The following EPS8 variants were observed in gnomAD, a reference collection of about 807,000 sequenced individuals.
EPS8 encodes the protein epidermal growth factor receptor kinase substrate 8.
EPS8 carries 42 observed loss-of-function variants against 103.8 expected under a neutral mutation model. The observed-to-expected ratio is 0.40, with a 90% CI of 0.32 to 0.52. The LOEUF is 0.52. Ranked by LOEUF, EPS8 falls within the 20% of genes least tolerant of loss-of-function variation. The pLI, the probability that EPS8 is intolerant of heterozygous loss-of-function variation, is 0.40. For synonymous variants in EPS8, 344 were observed against 344.6 expected, an observed-to-expected ratio of 1.00 and a Z score of 0.02; for missense variants, 969 against 1,005.1, an observed-to-expected ratio of 0.96 and a Z score of 0.49.
intron 1 of EPS8, among the ~76,000 whole-genome samples, chr12:15,737,724 AACTT>A (rs1946780116): frequency 6.6e-6 from 1 of 152,198 alleles, no homozygotes; most frequent in Non-Finnish European, 1.5e-5. Flanking sequence ...AAATATTAAA[AACTT>A]AATGATGCTA....
At chr12:15,664,283 AT>A (rs151115559) in intron 8 of EPS8, among the ~76,000 whole-genome samples, 4,541 of 151,404 alleles carry the variant, frequency 0.03, 178 homozygotes, top group African/African-American at 0.093. Flanking sequence ...CTGTTAATTA[AT>A]TTTTTTTTAA....
chr12:15,667,246 T>C (rs1055335369), intron 6 of EPS8, among the ~76,000 whole-genome samples: 3 of 152,184 alleles, frequency 2.0e-5, no homozygotes, highest in Non-Finnish European at 2.9e-5. Context: ...TTCTCAAATA[T>C]GTATGTTGTA....
At position 15,771,679 on chromosome 12, in the gene EPS8, G is replaced by A. The variant is rs1947155982; in HGVS notation, c.-22+17482C>T. Among the ~76,000 whole-genome samples the A allele has an allele frequency of 6.6e-6, 1 of 151,682 alleles. No individual in the cohort carries two copies. The highest frequency in any genetic ancestry group is 2.4e-5 in the African/African-American group (1 of 41,282). The stretch of plus-strand genomic sequence containing the variant: ...TAGAAATTCTCCGTAGGATTGCACT[G>A]CACTCCAGCCTGGGTAACAGAACAA... On this transcript the variant is annotated intron_variant, in intron 1 of 20. Coordinates refer to ENST00000281172, the MANE Select transcript of EPS8 (RefSeq NM_004447.6). This position sits in a 1 kb window ranked among gnomAD's most constrained non-coding sequence, Gnocchi z 4.6.
intron 1 of EPS8, among the ~76,000 whole-genome samples, chr12:15,703,838 T>G (rs1288083837): frequency 6.9e-6 from 1 of 143,892 alleles, no homozygotes; most frequent in Non-Finnish European, 1.5e-5. Context: ...TATTCTGCTC[T>G]ATGTATTTGT....
At chr12:15,691,170 G>A (rs1167375484) in intron 1 of EPS8, among the ~76,000 whole-genome samples, 1 of 150,934 alleles carries the variant, frequency 6.6e-6, no homozygotes, top group Non-Finnish European at 1.5e-5. Context: ...ACAGCAAAGT[G>A]TGAAGTTCAA....
At chr12:15,646,875 G>C (rs1236153429) in intron 15 of EPS8, among the ~76,000 whole-genome samples, 2 of 152,170 alleles carry the variant, frequency 1.3e-5, no homozygotes, top group Non-Finnish European at 2.9e-5. Flanking sequence ...TACACATTTT[G>C]TCCGAAGTAT....
rs1946890224 is a variant in EPS8 at position 15,747,805 on chromosome 12, G to C, written c.-22+41356C>G. Among the ~76,000 whole-genome samples the C allele has an allele frequency of 6.6e-6, 1 of 152,124 alleles. No individual in the cohort carries two copies. Among genetic ancestry groups the C allele is most frequent in the Non-Finnish European group, 1.5e-5 (1 of 68,030 alleles). On this transcript the variant is annotated intron_variant, in intron 1 of 20. Transcript: ENST00000281172. This position sits in a 1 kb window ranked among gnomAD's most constrained non-coding sequence, Gnocchi z 4.4. ...GGAGGCCGAGGTGGGCGGATCACGAGGTCAGGAGATCGAGACCATCCTGGC... is the reference window on the plus strand; with the variant it reads ...GGAGGCCGAGGTGGGCGGATCACGACGTCAGGAGATCGAGACCATCCTGGC...
chr12:15,737,674 G>T (rs1371267459), intron 1 of EPS8, among the ~76,000 whole-genome samples: 1 of 152,110 alleles, frequency 6.6e-6, no homozygotes, highest in African/African-American at 2.4e-5. Flanking sequence ...AAAACAGAAA[G>T]TCCGGCTTCA....
At chr12:15,739,428 G>C (rs139963179) in intron 1 of EPS8, among the ~76,000 whole-genome samples, 2,282 of 152,182 alleles carry the variant, frequency 0.015, 64 homozygotes, top group African/African-American at 0.052. Context: ...CGTGTGAGTC[G>C]GTGGCCTGGG....
chr12:15,703,847 G>GTTTTTTTTTT (rs58735135), intron 1 of EPS8, among the ~76,000 whole-genome samples: 2 of 61,236 alleles, frequency 3.3e-5, no homozygotes, highest in African/African-American at 1.5e-4. Flanking sequence ...CTATGTATTT[G>GTTTTTTTTTT]TTTTTTTTTT....
chr12:15,662,353 T>G, intron 8 of EPS8: 2 of 1,189,140 alleles, frequency 1.7e-6, no homozygotes, highest in Non-Finnish European at 1.0e-6. Flanking sequence ...TATCACCCCA[T>G]TCTCTCTCTT....
rs1253625069 is a variant in EPS8, at chr12:15,688,386, G to A, written c.-21-5414C>T. Among the ~76,000 whole-genome samples the A allele has an allele frequency of 1.3e-5, 2 of 152,122 alleles. No individual in the cohort carries two copies. The highest frequency in any genetic ancestry group is 4.8e-5 in the African/African-American group (2 of 41,412). On this transcript the variant is annotated intron_variant, in intron 1 of 20. Coordinates refer to ENST00000281172, the MANE Select transcript of EPS8 (RefSeq NM_004447.6). The surrounding 1 kb of genome is among the most constrained non-coding windows in gnomAD (Gnocchi z 5.1). ...GAAGTGCTGGGTAGAGGAAGGCGGG[G>A]TCACTGGTTAGGGCTCCACCCCCAT...
chr12:15,712,358 A>C (rs1946476982), intron 1 of EPS8, among the ~76,000 whole-genome samples: 1 of 152,226 alleles, frequency 6.6e-6, no homozygotes, highest in South Asian at 2.1e-4. Flanking sequence ...CAACCTAAGA[A>C]GTCTAAACCT....
At chr12:15,644,627 G>A (rs1945289157) in intron 15 of EPS8, among the ~76,000 whole-genome samples, 1 of 151,484 alleles carries the variant, frequency 6.6e-6, no homozygotes, top group Non-Finnish European at 1.5e-5. Flanking sequence ...GAACCCGGGA[G>A]GCCGAGCTTG....
At position 15,725,199 on chromosome 12, in the gene EPS8, T is replaced by C. The variant is rs1452244896; in HGVS notation, c.-21-42227A>G. Among the ~76,000 whole-genome samples the C allele has an allele frequency of 6.6e-6, 1 of 152,182 alleles. No homozygotes were observed. The highest frequency in any genetic ancestry group is 6.5e-5 in the Admixed American group (1 of 15,276). ...GCAAATCTGATACTTACCTGCTAGATAACTGAAGCAATTTCTACTCGTTTA... is the reference window on the plus strand; with the variant it reads ...GCAAATCTGATACTTACCTGCTAGACAACTGAAGCAATTTCTACTCGTTTA... On this transcript the variant is annotated intron_variant, in intron 1 of 20. Transcript: ENST00000281172. This position sits in a 1 kb window ranked among gnomAD's most constrained non-coding sequence, Gnocchi z 4.5.
chr12:15,665,535 T>C (rs2135832124), intron 8 of EPS8: 2 of 498,298 alleles, frequency 4.0e-6, no homozygotes, highest in Non-Finnish European at 7.1e-6. Flanking sequence ...TTCATCATAT[T>C]GGTCATGCTG....
intron 6 of EPS8, among the ~76,000 whole-genome samples, chr12:15,668,654 T>C (rs1293571490): frequency 1.3e-5 from 2 of 152,200 alleles, no homozygotes; most frequent in African/African-American, 4.8e-5. Flanking sequence ...GAATTACAAA[T>C]CCTGAGCAAT....
Position 15,785,438 on chromosome 12 carries a change from T to C in EPS8, c.-22+3723A>G, listed in dbSNP as rs1174910519. Among the ~76,000 whole-genome samples, 1 of 152,142 alleles carries C rather than the reference T, an allele frequency of 6.6e-6. No individual in the cohort carries two copies. Among genetic ancestry groups the C allele is most frequent in the Non-Finnish European group, 1.5e-5 (1 of 67,956 alleles). On this transcript the variant is annotated intron_variant, in intron 1 of 20. Coordinates refer to ENST00000281172, the MANE Select transcript of EPS8 (RefSeq NM_004447.6). The surrounding 1 kb of genome is among the most constrained non-coding windows in gnomAD (Gnocchi z 4.9). The stretch of plus-strand genomic sequence containing the variant: ...TGCAAACCAGGTTTCTTCTCACTGT[T>C]GGAGTAAGTTTACATATAAACAAAG...
At chr12:15,722,804 G>T (rs919273820) in intron 1 of EPS8, among the ~76,000 whole-genome samples, 4 of 151,970 alleles carry the variant, frequency 2.6e-5, no homozygotes, top group Admixed American at 2.0e-4. Flanking sequence ...CTCTTTTAAG[G>T]CACAAATCCC....
Sources: allele counts gnomAD v4.1 joint callset (sites outside exome capture counted in the v4.1 genomes callset), GRCh38; gene constraint gnomAD v4.1.1; non-coding constraint Gnocchi (gnomAD v3.1); transcripts MANE v1.5; gene names NCBI Gene and HGNC (gene_info 2026-07-23, HGNC 2026-07-21).